BTAF1: variants seen among roughly 807,000 people sequenced by gnomAD.
The protein encoded by BTAF1 is B-TFIID TATA-box binding protein associated factor 1.
Under a neutral mutation model 227.1 loss-of-function variants are expected in BTAF1, and 38 were observed. The observed-to-expected ratio is 0.17, with a 90% confidence interval of 0.13 to 0.22. The LOEUF (loss-of-function observed/expected upper bound fraction) is 0.22, where lower values mean the gene tolerates loss of function less well. Among genes scored for constraint, BTAF1 ranks in the 10% least tolerant of loss-of-function variants. BTAF1 has a pLI of 1.00. For synonymous variants in BTAF1, 742 were observed against 751.9 expected (o/e 0.99, Z 0.21); for missense variants, 1,598 against 2,204.0 (o/e 0.73, Z 5.51).
chr10:92,001,985 T>TACACACACAC (rs71025380), intron 25 of BTAF1, among the ~76,000 whole-genome samples: 2 of 73,380 alleles, frequency 2.7e-5, no homozygotes, highest in East Asian at 3.7e-4. Context: ...TATATATATA[T>TACACACACAC]ACACACACAC....
rs1564666030 is a variant in BTAF1, at chr10:91,950,153, G to GC, written c.401-1250_401-1249insC. Among the ~76,000 whole-genome samples, 18 of 90,098 alleles carry GC rather than the reference G, an allele frequency of 2.0e-4. 2 individuals are homozygous for GC. The highest frequency in any genetic ancestry group is 4.8e-4 in the Admixed American group (4 of 8,316). The allele number at this position is 90,098 out of a possible 152,430, so 59.1% of individuals were successfully genotyped here. A position where few individuals can be genotyped will look rare whatever the true frequency, so the allele number is the denominator to read the frequency against. On this transcript the variant is annotated intron_variant, in intron 4 of 37. Coordinates refer to ENST00000265990, the MANE Select transcript of BTAF1 (RefSeq NM_003972.3). ...GTGAGAGACCTTGTCCTTTGTGGGGGGGGGCGGGAAAGAAGACTAGGTTTT... is the reference window on the plus strand; with the variant it reads ...GTGAGAGACCTTGTCCTTTGTGGGGGCGGGGCGGGAAAGAAGACTAGGTTTT...
rs913965843 is a variant in BTAF1, at chr10:92,029,394, A to G, written c.*461A>G. Reference sequence around the variant, plus strand: ...CCATAATTTTAAGAATATAAGAATAATGACTATGATATTGGTCAGTCTTAG... The same window carrying G: ...CCATAATTTTAAGAATATAAGAATAGTGACTATGATATTGGTCAGTCTTAG... On this transcript the variant is annotated 3_prime_UTR_variant, in exon 38 of 38. Transcript: ENST00000265990. The G allele has an allele frequency of 6.6e-5, 10 of 152,608 alleles. No individual in the cohort carries two copies. Among genetic ancestry groups the G allele is most frequent in the African/African-American group, 2.4e-4 (10 of 41,460 alleles). 9.5% of individuals were successfully genotyped at this position (152,608 alleles called of 1,614,324 possible). A position where few individuals can be genotyped will look rare whatever the true frequency, so the allele number is the denominator to read the frequency against.
At chr10:91,932,949 C>T (rs1193474259) in intron 1 of BTAF1, among the ~76,000 whole-genome samples, 1 of 152,232 alleles carries the variant, frequency 6.6e-6, no homozygotes, top group Non-Finnish European at 1.5e-5. Context: ...GTGCCTCCCA[C>T]CAACAGTTCC....
chr10:91,936,492 C>T (rs537740908), intron 2 of BTAF1, among the ~76,000 whole-genome samples: 2 of 150,638 alleles, frequency 1.3e-5, no homozygotes, highest in Admixed American at 1.3e-4. Context: ...TTCTCATCTG[C>T]CCATCTCTGT....
chr10:91,995,081 G>C (rs1849041977), intron 23 of BTAF1, among the ~76,000 whole-genome samples: 1 of 152,200 alleles, frequency 6.6e-6, no homozygotes, highest in Non-Finnish European at 1.5e-5. Flanking sequence ...TAGAACACTG[G>C]TTTGGGATTT....
At chr10:91,949,875 C>A (rs1477365828) in intron 4 of BTAF1, among the ~76,000 whole-genome samples, 1 of 152,134 alleles carries the variant, frequency 6.6e-6, no homozygotes, top group East Asian at 1.9e-4. Context: ...GTGGCTCACG[C>A]TTGTAATCCC....
intron 1 of BTAF1, among the ~76,000 whole-genome samples, chr10:91,931,145 G>T (rs1844250783): frequency 6.6e-6 from 1 of 152,180 alleles, no homozygotes; most frequent in Non-Finnish European, 1.5e-5. Flanking sequence ...CTGGAGAGGA[G>T]AGGGGTTAGA....
At chr10:91,953,359 C>G (rs879604911) in intron 5 of BTAF1, among the ~76,000 whole-genome samples, 3 of 152,038 alleles carry the variant, frequency 2.0e-5, no homozygotes, top group Non-Finnish European at 4.4e-5. Context: ...TTATTTTTTT[C>G]AGCAGATGGT....
At chr10:91,941,255 A>AT (rs1263088269) in intron 3 of BTAF1, among the ~76,000 whole-genome samples, 15 of 152,190 alleles carry the variant, frequency 9.9e-5, no homozygotes, top group South Asian at 6.2e-4. Context: ...AAAAGACTTA[A>AT]TTTTTTTAAA....
chr10:91,936,151 T>C (rs965548398), intron 2 of BTAF1, among the ~76,000 whole-genome samples: 2 of 152,240 alleles, frequency 1.3e-5, no homozygotes, highest in Admixed American at 6.5e-5. Context: ...AGCTGGAGTC[T>C]TGTTACATTC....
At chr10:92,025,634 C>G (rs1046740433) in intron 35 of BTAF1, among the ~76,000 whole-genome samples, 3 of 151,824 alleles carry the variant, frequency 2.0e-5, no homozygotes, top group African/African-American at 7.3e-5. Flanking sequence ...TGGTGAAACC[C>G]TGTCTCTACT....
chr10:92,020,312 G>A (rs979380730), intron 34 of BTAF1, among the ~76,000 whole-genome samples: 2 of 151,980 alleles, frequency 1.3e-5, no homozygotes, highest in Non-Finnish European at 2.9e-5. Context: ...CACCCTCTTG[G>A]TGTTGCTTTT....
intron 22 of BTAF1, 22 bp downstream of exon 22, chr10:91,993,869 T>G (rs1270957001): frequency 1.2e-5 from 19 of 1,535,070 alleles, no homozygotes; most frequent in Non-Finnish European, 1.7e-5. Flanking sequence ...TTTTTATGAG[T>G]CCAGTTTTTA....
chr10:91,962,802 C>T (rs1259764679), intron 12 of BTAF1, 124 bp downstream of exon 12: 1 of 725,664 alleles, frequency 1.4e-6, no homozygotes, highest in African/African-American at 1.8e-5. Context: ...TAACAACAGC[C>T]CTCTGATGCA....
At chr10:91,992,855 A>C (rs1848894283) in intron 21 of BTAF1, among the ~76,000 whole-genome samples, 1 of 152,190 alleles carries the variant, frequency 6.6e-6, no homozygotes, top group Non-Finnish European at 1.5e-5. Context: ...TACACCGTAC[A>C]GTCTTAACAA....
Position 91,923,840 on chromosome 10 carries a change from C to G in BTAF1, c.-237C>G, listed in dbSNP as rs148553140. On this transcript the variant is annotated 5_prime_UTR_variant, in exon 1 of 38. Coordinates refer to ENST00000265990, the MANE Select transcript of BTAF1 (RefSeq NM_003972.3). ...GTACCCGGTTTGAAGTCGTGCGGGT[C>G]GGAGGACTGCCGCCTCCGCTACCGT... 685 of 450,356 alleles carry G rather than the reference C, an allele frequency of 1.5e-3. 6 individuals carry two copies. Among genetic ancestry groups the G allele is most frequent in the African/African-American group, 0.013 (619 of 48,712 alleles). 27.9% of individuals were successfully genotyped at this position (450,356 alleles called of 1,614,324 possible).
At chr10:92,008,081 G>C in intron 25 of BTAF1, 42 bp from the exon 26 acceptor site, 1 of 1,499,760 alleles carries the variant, frequency 6.7e-7, no homozygotes. Context: ...AATGAAAACT[G>C]TGAGTACGTA....
chr10:92,025,309 T>C (rs555596373), intron 35 of BTAF1, among the ~76,000 whole-genome samples: 10 of 152,214 alleles, frequency 6.6e-5, no homozygotes, highest in African/African-American at 1.7e-4. Flanking sequence ...AGCTAAAATC[T>C]CCATCCTAAT....
chr10:91,957,951 C>T (rs1381966497), intron 8 of BTAF1, among the ~76,000 whole-genome samples: 1 of 152,152 alleles, frequency 6.6e-6, no homozygotes, highest in African/African-American at 2.4e-5. Context: ...GGTGATTTAT[C>T]CCCAGGGGTA....
Sources: gnomAD v4.1 joint callset for allele counts (sites outside exome capture counted in the v4.1 genomes callset) on GRCh38, gnomAD v4.1.1 for gene constraint, MANE v1.5 for transcripts, NCBI Gene and HGNC (gene_info 2026-07-23, HGNC 2026-07-21) for gene names.